ENOX1: variants seen among roughly 807,000 people sequenced by gnomAD.
ENOX1 encodes the protein ecto-NOX disulfide-thiol exchanger 1.
A neutral mutation model predicts 82.5 loss-of-function variants in ENOX1; 42 were observed. The observed-to-expected ratio is 0.51, with a 90% CI of 0.40 to 0.66. The LOEUF (loss-of-function observed/expected upper bound fraction) is 0.66. Ranked by LOEUF, ENOX1 falls within the 30% of genes least tolerant of loss-of-function variation. The pLI is 0.00. For missense variants in ENOX1, 608 were observed against 811.6 expected, an observed-to-expected ratio of 0.75 and a Z score of 3.05; for synonymous variants, 271 against 282.2, an observed-to-expected ratio of 0.96 and a Z score of 0.40.
intron 5 of ENOX1, chr13:43,394,432 C>T (rs2053004447): frequency 6.6e-6 from 1 of 152,188 alleles, no homozygotes; most frequent in Non-Finnish European, 1.5e-5. Context: ...AGTCAAGACA[C>T]ACTGTTCTGT....
intron 2 of ENOX1, among the ~76,000 whole-genome samples, chr13:43,662,955 A>T (rs180818069): frequency 7.9e-5 from 12 of 152,364 alleles, no homozygotes; most frequent in Admixed American, 6.5e-4. Flanking sequence ...AGTTTTCATA[A>T]AGGATATGAA....
intron 2 of ENOX1, among the ~76,000 whole-genome samples, chr13:43,653,300 A>G (rs1018140420): frequency 3.9e-5 from 6 of 152,248 alleles, no homozygotes; most frequent in African/African-American, 1.4e-4. Context: ...AAAGATACAT[A>G]AAAACATTCT....
intron 2 of ENOX1, among the ~76,000 whole-genome samples, chr13:43,618,750 T>C (rs1423362548): frequency 1.3e-5 from 2 of 152,144 alleles, no homozygotes; most frequent in African/African-American, 4.8e-5. Flanking sequence ...AATTCTAGAA[T>C]TGTTTTTTCT....
In ENOX1 at chr13:43,442,119, G is replaced by A. The variant is rs570202002; in HGVS notation, c.-74-29131C>T. ...GAGCTAAAACAAGCATAGAGGAGCC[G>A]AGTCGGACTGATTCCCCAGCTCTTC... On this transcript the variant is annotated intron_variant, in intron 3 of 16. Transcript: ENST00000690772. 3.1e-4 allele frequency among the ~76,000 whole-genome samples: 47 copies of A among 152,222 alleles called. No individual in the cohort carries two copies. The South Asian group carries it at 8.1e-3, about 26-fold the overall frequency.
At chr13:43,592,515 T>C (rs2081289647) in intron 2 of ENOX1, among the ~76,000 whole-genome samples, 1 of 152,236 alleles carries the variant, frequency 6.6e-6, no homozygotes. Context: ...TTGTCAGTAA[T>C]AGAATATCAG....
intron 1 of ENOX1, among the ~76,000 whole-genome samples, chr13:43,760,600 A>T (rs1950910201): frequency 6.6e-6 from 1 of 151,974 alleles, no homozygotes; most frequent in African/African-American, 2.4e-5. Context: ...CACACTGCCC[A>T]CCTCTGCCAT....
intron 2 of ENOX1, among the ~76,000 whole-genome samples, chr13:43,488,386 C>G (rs2076506876): frequency 6.6e-6 from 1 of 152,176 alleles, no homozygotes; most frequent in East Asian, 1.9e-4. Context: ...GCAGCCAGCA[C>G]CACAGACAAC....
At chr13:43,376,953 C>A (rs2051680470) in intron 5 of ENOX1, among the ~76,000 whole-genome samples, 1 of 152,190 alleles carries the variant, frequency 6.6e-6, no homozygotes, top group Non-Finnish European at 1.5e-5. Flanking sequence ...TGTGACCATG[C>A]ACTCCAGCTA....
intron 2 of ENOX1, among the ~76,000 whole-genome samples, chr13:43,563,593 G>C: frequency 6.6e-6 from 1 of 152,066 alleles, no homozygotes; most frequent in Middle Eastern, 3.4e-3. Context: ...TGAAAAGTTG[G>C]TTTTTCGAAA....
At chr13:43,469,714 T>C (rs1050623769) in intron 3 of ENOX1, among the ~76,000 whole-genome samples, 3 of 152,032 alleles carry the variant, frequency 2.0e-5, no homozygotes, top group African/African-American at 7.2e-5. Context: ...AGAATAAATA[T>C]ATTCCCAATC....
At chr13:43,614,312 A>T (rs969278550) in intron 2 of ENOX1, among the ~76,000 whole-genome samples, 5 of 152,164 alleles carry the variant, frequency 3.3e-5, no homozygotes, top group Admixed American at 6.5e-5. Flanking sequence ...CACAGATTGG[A>T]CAGGCTGCCT....
intron 1 of ENOX1, among the ~76,000 whole-genome samples, chr13:43,712,221 C>A (rs1594521512): frequency 6.9e-6 from 1 of 145,788 alleles, no homozygotes; most frequent in South Asian, 2.3e-4. Flanking sequence ...TGTCAAAGAT[C>A]AGATAGTTGT....
chr13:43,225,419 C>T (rs138005761), intron 15 of ENOX1, among the ~76,000 whole-genome samples: 1,536 of 152,256 alleles, frequency 0.01, 17 homozygotes, highest in African/African-American at 0.035. Flanking sequence ...CTAAAATAAA[C>T]GTTGAAAAAG....
At chr13:43,534,407 CAG>C (rs2078363112) in intron 2 of ENOX1, among the ~76,000 whole-genome samples, 1 of 152,038 alleles carries the variant, frequency 6.6e-6, no homozygotes, top group Non-Finnish European at 1.5e-5. Context: ...ACACCAGGTA[CAG>C]AGTCTGATCA....
intron 2 of ENOX1, among the ~76,000 whole-genome samples, chr13:43,552,388 A>G (rs1174659465): frequency 6.6e-6 from 1 of 151,340 alleles, no homozygotes; most frequent in Non-Finnish European, 1.5e-5. Context: ...CTTTTAGTAT[A>G]TTCCTAGAAC....
chr13:43,747,667 G>A (rs1480163951), intron 1 of ENOX1, among the ~76,000 whole-genome samples: 1 of 152,358 alleles, frequency 6.6e-6, no homozygotes, highest in East Asian at 1.9e-4. Context: ...CAATGAAGGC[G>A]ATTCCAGATT....
chr13:43,318,000 G>T (rs559579186), intron 11 of ENOX1, among the ~76,000 whole-genome samples: 7 of 149,726 alleles, frequency 4.7e-5, no homozygotes, highest in Non-Finnish European at 7.4e-5. Flanking sequence ...GCAAGACTCC[G>T]TCTCAAAAAA....
chr13:43,778,862 G>A (rs991876200), intron 1 of ENOX1, among the ~76,000 whole-genome samples: 2 of 152,212 alleles, frequency 1.3e-5, no homozygotes, highest in Non-Finnish European at 2.9e-5. Context: ...GGACGAGGTG[G>A]AGGGCTAACA....
At chr13:43,704,078 A>G (rs1391869392) in intron 1 of ENOX1, among the ~76,000 whole-genome samples, 8 of 152,104 alleles carry the variant, frequency 5.3e-5, no homozygotes, top group Admixed American at 5.2e-4. Flanking sequence ...AGAGAAAAAT[A>G]AAAAAGAAGA....
Sources: gnomAD v4.1 joint callset for allele counts (sites outside exome capture counted in the v4.1 genomes callset) on GRCh38, gnomAD v4.1.1 for gene constraint, MANE v1.5 for transcripts, NCBI Gene and HGNC (gene_info 2026-07-23, HGNC 2026-07-21) for gene names.